The following ERVV-2 variants were observed in gnomAD, a reference collection of about 807,000 sequenced individuals.
ERVV-2 encodes the protein endogenous retrovirus group V member 2 Env polyprotein.
For missense variants in ERVV-2, 291 were observed against 495.1 expected (o/e 0.59, Z 3.91); for synonymous variants, 105 against 184.6 (o/e 0.57, Z 3.49).
rs73935209 is a variant in ERVV-2 at position 53,050,739 on chromosome 19, C to A, written c.1488C>A (p.Ser496=). The A allele has an allele frequency of 0.073, 111,578 of 1,535,848 alleles. 4,678 individuals carry two copies. Among genetic ancestry groups the A allele is most frequent in the Admixed American group, 0.16 (8,209 of 50,982 alleles). Residue 496 remains serine (S), a synonymous_variant, in exon 2 of 2, where the codon TCC becomes TCA. Transcript: ENST00000601417. ...GGATAAAGCAATTTCACATGAAGTC[C>A]CCCCAAATGGAAAGATATCAGCTAT... is the stretch of plus-strand genomic sequence containing the variant. ...SSRIKQFHMK[S]PQMERYQLSV...
Position 53,048,905 on chromosome 19 carries a change from T to C in ERVV-2, c.-347T>C, listed in dbSNP as rs1479822571. The C allele has an allele frequency of 1.8e-5, 8 of 453,968 alleles. No individual in the cohort carries two copies. Among genetic ancestry groups the C allele is most frequent in the Non-Finnish European group, 3.2e-5 (8 of 252,108 alleles). The allele number at this position is 453,968 out of a possible 1,614,324, so 28.1% of individuals were successfully genotyped here. A position where few individuals can be genotyped will look rare whatever the true frequency, so the allele number is the denominator to read the frequency against. ...TGGCATCTCCAGTTGGATACATCAG[T>C]CTCAAGTGAAACTGTGGGAAGGTCC... On this transcript the variant is annotated 5_prime_UTR_variant, in exon 2 of 2. Coordinates refer to ENST00000601417, the MANE Select transcript of ERVV-2 (RefSeq NM_001191055.2).
intron 1 of ERVV-2, 69 bp downstream of exon 1, chr19:53,045,027 C>G (rs2145383970): frequency 6.6e-6 from 1 of 152,452 alleles, no homozygotes; most frequent in Middle Eastern, 3.4e-3. Context: ...ACTGAAGAAC[C>G]TCCTGCCCTA....
chr19:53,045,017 A>T (rs1365246575), intron 1 of ERVV-2, 59 bp downstream of exon 1: 2 of 152,324 alleles, frequency 1.3e-5, no homozygotes, highest in Non-Finnish European at 2.9e-5. Flanking sequence ...TTCTTTCTGC[A>T]CTGAAGAACC....
rs971325111 is a variant in ERVV-2 at position 53,050,782 on chromosome 19, A to G, written c.1531A>G (p.Ser511Gly). The G allele has an allele frequency of 4.8e-5, 74 of 1,535,882 alleles. No individual in the cohort carries two copies. The highest frequency in any genetic ancestry group is 6.4e-5 in the Non-Finnish European group (73 of 1,146,886). ...RYQLSVIGGP[S>G]TYKHISPLDA... ...TCAGCTATCTGTCATTGGAGGCCCC[A>G]GCACCTATAAGCACATCTCCCCCTT... is the stretch of plus-strand genomic sequence containing the variant. The change falls in exon 2 of 2, where the codon AGC becomes GGC. Residue 511 changes from serine (S) to glycine (G), a missense_variant. Transcript: ENST00000601417.
intron 1 of ERVV-2, among the ~76,000 whole-genome samples, 192 bp from the exon 2 acceptor site, chr19:53,048,675 C>CAAAAAAAAAAAAAAAAAAAA (rs34725225): frequency 1.1e-5 from 1 of 92,218 alleles, no homozygotes; most frequent in African/African-American, 4.5e-5. Context: ...AATTCCATCT[C>CAAAAAAAAAAAAAAAAAAAA]AAAAAAAAAA....
rs539419971 is a variant in ERVV-2, at chr19:53,048,863, A to C, written c.-385-4A>C. 8 of 368,380 alleles carry C rather than the reference A, an allele frequency of 2.2e-5. No homozygotes were observed. The Admixed American group carries it at 2.6e-4, about 12-fold the overall frequency. The allele number at this position is 368,380 out of a possible 1,614,324, so 22.8% of individuals were successfully genotyped here. A position where few individuals can be genotyped will look rare whatever the true frequency, so the allele number is the denominator to read the frequency against. On this transcript the variant is annotated splice_region_variant and splice_polypyrimidine_tract_variant and intron_variant, in intron 1 of 1. Transcript: ENST00000601417. ...CTTTACTGTCTTACTTTCCACCCCA[A>C]CAGCTATCAACATTTCTGGCATCTC... is the stretch of plus-strand genomic sequence containing the variant.
rs2083900596 is a variant in ERVV-2 at position 53,048,826 on chromosome 19, A to G, written c.-385-41A>G. Reference sequence around the variant, plus strand: ...GGGTCATCTGGGTCTCAACTCCCTTATGGAAAGACCCCTTTACTGTCTTAC... The same window carrying G: ...GGGTCATCTGGGTCTCAACTCCCTTGTGGAAAGACCCCTTTACTGTCTTAC... On this transcript the variant is annotated intron_variant, in intron 1 of 1. Transcript: ENST00000601417. The G allele has an allele frequency of 1.0e-5, 3 of 300,374 alleles. No homozygotes were observed. The Admixed American group carries it at 1.5e-4, about 15-fold the overall frequency. 18.6% of individuals were successfully genotyped at this position (300,374 alleles called of 1,614,324 possible).
At chr19:53,048,727 G>C (rs2083900301) in intron 1 of ERVV-2, 140 bp from the exon 2 acceptor site, 1 of 162,592 alleles carries the variant, frequency 6.2e-6, no homozygotes, top group Admixed American at 5.7e-5. Context: ...TTGGACAAAA[G>C]GTACTGCCTG....
At chr19:53,046,134 C>A (rs974904568) in intron 1 of ERVV-2, among the ~76,000 whole-genome samples, 1 of 151,962 alleles carries the variant, frequency 6.6e-6, no homozygotes, top group African/African-American at 2.4e-5. Flanking sequence ...TGGTGGCACA[C>A]GCTTGTAATC....
rs969511278 is a variant in ERVV-2, at chr19:53,050,763, A to G, written c.1512A>G (p.Leu504=). 2 of 1,536,160 alleles carry G rather than the reference A, an allele frequency of 1.3e-6. No individual in the cohort carries two copies. Among genetic ancestry groups the G allele is most frequent in the Middle Eastern group, 1.7e-4 (1 of 5,990 alleles). ...CCCCCCAAATGGAAAGATATCAGCT[A>G]TCTGTCATTGGAGGCCCCAGCACCT... ...MKSPQMERYQ[L]SVIGGPSTYK... The change falls in exon 2 of 2, where the codon CTA becomes CTG. Residue 504 remains leucine, a synonymous_variant. Coordinates refer to ENST00000601417, the MANE Select transcript of ERVV-2 (RefSeq NM_001191055.2).
chr19:53,048,330 G>T (rs576131083), intron 1 of ERVV-2, among the ~76,000 whole-genome samples: 1 of 150,868 alleles, frequency 6.6e-6, no homozygotes, highest in East Asian at 2.0e-4. Flanking sequence ...AGCTGAGATC[G>T]CACCATTGCA....
Position 53,049,681 on chromosome 19 carries a change from C to T in ERVV-2, c.430C>T (p.Pro144Ser). The change falls in exon 2 of 2, where the codon CCC (proline) becomes TCC (serine). Residue 144 changes from proline to serine, a missense_variant. Physicochemically the swap from Pro to Ser is moderately conservative, Grantham distance 74. Coordinates refer to ENST00000601417, the MANE Select transcript of ERVV-2 (RefSeq NM_001191055.2). Reference protein sequence around the residue: ...DRKNTSEEGFPSPTIHPMSFS... With the variant: ...DRKNTSEEGFSSPTIHPMSFS... ...GAAGAACACCTCTGAGGAGGGATTC[C>T]CCAGTCCCACCATCCATCCCATGAG... is the stretch of plus-strand genomic sequence containing the variant. The T allele has an allele frequency of 8.8e-7, 1 of 1,134,938 alleles. No individual in the cohort carries two copies. The highest frequency in any genetic ancestry group is 1.4e-5 in the South Asian group (1 of 73,064). The allele number at this position is 1,134,938 out of a possible 1,614,324, so 70.3% of individuals were successfully genotyped here. A position where few individuals can be genotyped will look rare whatever the true frequency, so the allele number is the denominator to read the frequency against.
intron 1 of ERVV-2, among the ~76,000 whole-genome samples, chr19:53,045,313 T>TG (rs373158658): frequency 2.4e-5 from 3 of 127,074 alleles, no homozygotes; most frequent in Non-Finnish European, 5.2e-5. Flanking sequence ...TTTTTTTTTG[T>TG]GGGGGGGAGG....
Position 53,050,742 on chromosome 19 carries a change from C to T in ERVV-2, c.1491C>T (p.Pro497=), listed in dbSNP as rs1303938105. The T allele has an allele frequency of 2.6e-6, 4 of 1,535,960 alleles. No individual in the cohort carries two copies. The Admixed American group carries it at 7.8e-5, about 30-fold the overall frequency. ...TAAAGCAATTTCACATGAAGTCCCC[C>T]CAAATGGAAAGATATCAGCTATCTG... is the stretch of plus-strand genomic sequence containing the variant. ...SRIKQFHMKS[P]QMERYQLSVI... is the part of the protein sequence containing the mutation. Residue 497 remains proline (P), a synonymous_variant, in exon 2 of 2, where the codon CCC becomes CCT. Coordinates refer to ENST00000601417, the MANE Select transcript of ERVV-2 (RefSeq NM_001191055.2).
At position 53,049,132 on chromosome 19, in the gene ERVV-2, C is replaced by G. The variant is rs902456204; in HGVS notation, c.-120C>G. The G allele has an allele frequency of 7.3e-6, 7 of 964,444 alleles. No homozygotes were observed. In the African/African-American group the frequency reaches 1.1e-4, roughly 16 times the overall value. 59.7% of individuals were successfully genotyped at this position (964,444 alleles called of 1,614,324 possible). ...TATTTTGACCCAACTGGCATGCCAC[C>G]TGAAGTCCCGATAACAGCCTGATTT... On this transcript the variant is annotated 5_prime_UTR_variant, in exon 2 of 2. Transcript: ENST00000601417.
chr19:53,046,211 G>A (rs1012964884), intron 1 of ERVV-2, among the ~76,000 whole-genome samples: 2 of 151,944 alleles, frequency 1.3e-5, no homozygotes, highest in East Asian at 3.9e-4. Context: ...GCAGTGGGCC[G>A]AGATCGCACC....
rs773416174 is a variant in ERVV-2 at position 53,050,558 on chromosome 19, G to A, written c.1307G>A (p.Gly436Glu). The A allele has an allele frequency of 7.5e-6, 6 of 795,568 alleles. No individual in the cohort carries two copies. The highest frequency in any genetic ancestry group is 1.7e-5 in the African/African-American group (1 of 58,984). 49.3% of individuals were successfully genotyped at this position (795,568 alleles called of 1,614,324 possible). Residue 436 changes from glycine to glutamate, a missense_variant, in exon 2 of 2, where the codon GGA (glycine) becomes GAA (glutamate). Physicochemically the swap from Gly to Glu is moderately conservative, Grantham distance 98. Transcript: ENST00000601417. ...ACGTGGCTCCATGACTTTGGAAAAGGAGGTGCTTCAGCAAGGGCCATCTGG... is the reference window on the plus strand; with the variant it reads ...ACGTGGCTCCATGACTTTGGAAAAGAAGGTGCTTCAGCAAGGGCCATCTGG... ...EATWLHDFGK[G>E]GASARAIWEA...
rs563315155 is a variant in ERVV-2, at chr19:53,048,977, G to C, written c.-275G>C. The C allele has an allele frequency of 5.1e-4, 298 of 585,408 alleles. 1 individual carries two copies. The highest frequency in any genetic ancestry group is 1.4e-3 in the South Asian group (66 of 47,996). The allele number at this position is 585,408 out of a possible 1,614,324, so 36.3% of individuals were successfully genotyped here. ...CAGAATTCAGCACCTGAGCATTCTT[G>C]TGAGCCACTGGAGAACTTAAAATTC... is the stretch of plus-strand genomic sequence containing the variant. On this transcript the variant is annotated 5_prime_UTR_variant, in exon 2 of 2. Transcript: ENST00000601417.
At chr19:53,047,630 G>T (rs572440514) in intron 1 of ERVV-2, among the ~76,000 whole-genome samples, 49 of 152,312 alleles carry the variant, frequency 3.2e-4, no homozygotes, top group Admixed American at 1.5e-3. Context: ...CAAGGTGAAG[G>T]ACACTTCACC....
Sources: gnomAD v4.1 joint callset for allele counts (sites outside exome capture counted in the v4.1 genomes callset) on GRCh38, gnomAD v4.1.1 for gene constraint, MANE v1.5 for transcripts, NCBI Gene and HGNC (gene_info 2026-07-23, HGNC 2026-07-21) for gene names.